Variants in HDAC9 observed in about 807,000 individuals in gnomAD.
HDAC9 encodes the protein MEF-2 interacting transcription repressor (MITR) protein.
HDAC9 carries 41 observed loss-of-function variants against 139.4 expected under a neutral mutation model. The observed-to-expected ratio is 0.29, with a 90% CI of 0.23 to 0.38. HDAC9 has a LOEUF of 0.38. Among genes scored for constraint, HDAC9 ranks in the 10% least tolerant of loss-of-function variants. The probability of loss-of-function intolerance (pLI) is 1.00; values close to 1 mark genes in which losing one functional copy is unlikely to be tolerated. For missense variants in HDAC9, 1,147 were observed against 1,297.0 expected (o/e 0.88, Z 1.78); for synonymous variants, 517 against 476.2 (o/e 1.09, Z -1.12).
intron 1 of HDAC9, among the ~76,000 whole-genome samples, chr7:18,363,431 G>A (rs1386227572): frequency 1.3e-5 from 2 of 152,056 alleles, no homozygotes; most frequent in Admixed American, 6.6e-5. Context: ...TGTAGAATTT[G>A]GCCTAGATTC....
intron 2 of HDAC9, among the ~76,000 whole-genome samples, chr7:18,504,265 C>G (rs1799161894): frequency 6.6e-6 from 1 of 152,116 alleles, no homozygotes; most frequent in Non-Finnish European, 1.5e-5. Flanking sequence ...TCATACTCCT[C>G]TCTGATCTTC....
At chr7:18,430,227 G>C (rs2128761271) in intron 1 of HDAC9, among the ~76,000 whole-genome samples, 1 of 152,174 alleles carries the variant, frequency 6.6e-6, no homozygotes, top group African/African-American at 2.4e-5. Context: ...TACAGTAATT[G>C]AATGATTTTT....
At chr7:18,471,345 C>T (rs1794707278) in intron 1 of HDAC9, among the ~76,000 whole-genome samples, 1 of 152,180 alleles carries the variant, frequency 6.6e-6, no homozygotes, top group South Asian at 2.1e-4. Flanking sequence ...CAAGTCCTAG[C>T]CATAGCCTTT....
intron 2 of HDAC9, among the ~76,000 whole-genome samples, chr7:18,581,713 G>A (rs573784880): frequency 6.9e-4 from 105 of 152,030 alleles, no homozygotes; most frequent in Non-Finnish European, 1.3e-3. Flanking sequence ...ATTGCTTTTG[G>A]TTGGAATTAT....
intron 2 of HDAC9, among the ~76,000 whole-genome samples, chr7:18,249,159 TAAAAC>T: frequency 6.6e-6 from 1 of 152,302 alleles, no homozygotes; most frequent in African/African-American, 2.4e-5. Context: ...TATATTTTCT[TAAAAC>T]AAGAAAAATT....
intron 1 of HDAC9, among the ~76,000 whole-genome samples, chr7:18,460,027 T>G (rs1022155265): frequency 1.3e-5 from 2 of 150,330 alleles, no homozygotes; most frequent in Non-Finnish European, 3.0e-5. Context: ...ACAGGCAATC[T>G]TCCCACCTCA....
intron 12 of HDAC9, among the ~76,000 whole-genome samples, chr7:18,698,944 T>A (rs538262687): frequency 3.1e-4 from 47 of 152,336 alleles, no homozygotes; most frequent in East Asian, 1.9e-3. Context: ...CTTCATAAAG[T>A]CATCCTATTT....
intron 2 of HDAC9, among the ~76,000 whole-genome samples, chr7:18,269,434 G>T (rs1796210293): frequency 6.6e-6 from 1 of 152,098 alleles, no homozygotes; most frequent in Non-Finnish European, 1.5e-5. Context: ...AAAGTCTAAA[G>T]GTTTAAAAGA....
chr7:18,677,636 T>C (rs760132782), intron 12 of HDAC9, among the ~76,000 whole-genome samples: 1 of 151,946 alleles, frequency 6.6e-6, no homozygotes, highest in Non-Finnish European at 1.5e-5. Context: ...TGTTTACACT[T>C]GATATTGTCG....
Position 18,593,874 on chromosome 7 carries a change from C to T in HDAC9, c.543-34C>T, listed in dbSNP as rs1159724138. On this transcript the variant is annotated intron_variant, in intron 5 of 25. Coordinates refer to ENST00000686413, the MANE Select transcript of HDAC9 (RefSeq NM_178425.4). ...CTGACCAATATGCAGTAAAAACTAC[C>T]AAGTAAATAGTGAAACTTCCTTGTC... 3.1e-6 allele frequency: 5 copies of T among 1,610,472 alleles called. No individual in the cohort carries two copies. In the African/African-American group the frequency reaches 6.7e-5, roughly 22 times the overall value.
chr7:18,092,592 T>C (rs1194583473), intron 1 of HDAC9, among the ~76,000 whole-genome samples: 1 of 152,014 alleles, frequency 6.6e-6, no homozygotes, highest in African/African-American at 2.4e-5. Context: ...TCTCCACATA[T>C]AATAATGGGG....
intron 12 of HDAC9, among the ~76,000 whole-genome samples, chr7:18,683,831 T>A (rs1306079595): frequency 6.6e-6 from 1 of 152,076 alleles, no homozygotes; most frequent in Non-Finnish European, 1.5e-5. Flanking sequence ...TACGTGTAAT[T>A]TCTATGATAT....
chr7:18,097,486 C>T (rs1223701221), intron 1 of HDAC9, among the ~76,000 whole-genome samples: 3 of 147,762 alleles, frequency 2.0e-5, no homozygotes, highest in African/African-American at 2.5e-5. Context: ...TTTTTAATGA[C>T]CCAGGTTATC....
At chr7:18,477,390 T>TGTGTGTGC (rs1554431888) in intron 1 of HDAC9, among the ~76,000 whole-genome samples, 1 of 151,874 alleles carries the variant, frequency 6.6e-6, no homozygotes, top group Non-Finnish European at 1.5e-5. Context: ...ATCAGTTATG[T>TGTGTGTGC]GTGCGTGCGT....
At chr7:18,563,396 A>T (rs1035145916) in intron 2 of HDAC9, among the ~76,000 whole-genome samples, 1 of 152,098 alleles carries the variant, frequency 6.6e-6, no homozygotes, top group African/African-American at 2.4e-5. Flanking sequence ...AAAAATATAT[A>T]AGCTCCAGTT....
chr7:18,913,459 A>G (rs139178015), intron 22 of HDAC9, among the ~76,000 whole-genome samples: 205 of 152,226 alleles, frequency 1.3e-3, no homozygotes, highest in Middle Eastern at 0.01. Context: ...TACAGTCCAA[A>G]ATTCTAAGGT....
intron 2 of HDAC9, among the ~76,000 whole-genome samples, chr7:18,187,928 A>G (rs1487107319): frequency 6.6e-6 from 1 of 152,122 alleles, no homozygotes; most frequent in Non-Finnish European, 1.5e-5. Context: ...TGGGGCTAAA[A>G]TAATTCATAG....
intron 13 of HDAC9, among the ~76,000 whole-genome samples, chr7:18,743,667 G>A (rs1366997151): frequency 6.7e-6 from 1 of 149,578 alleles, no homozygotes; most frequent in Non-Finnish European, 1.5e-5. Context: ...AGGTGACAGA[G>A]TGAGAACCTG....
chr7:18,967,681 A>C (rs1783965409), intron 24 of HDAC9, among the ~76,000 whole-genome samples: 1 of 152,206 alleles, frequency 6.6e-6, no homozygotes, highest in Non-Finnish European at 1.5e-5. Flanking sequence ...CACAATTTTT[A>C]TAAATAGCTT....
Sources: allele counts gnomAD v4.1 joint callset (sites outside exome capture counted in the v4.1 genomes callset), GRCh38; gene constraint gnomAD v4.1.1; transcripts MANE v1.5; gene names NCBI Gene and HGNC (gene_info 2026-07-23, HGNC 2026-07-21).